METTL15: variants seen among roughly 807,000 people sequenced by gnomAD.
The protein encoded by METTL15 is 12S rRNA N(4)-cytidine methyltransferase METTL15.
In METTL15, 34 loss-of-function variants were observed where a neutral mutation model predicts 38.3. The observed-to-expected ratio is 0.89, with a 90% CI of 0.68 to 1.18. The LOEUF (loss-of-function observed/expected upper bound fraction) is 1.18. METTL15 is among the 50% of genes most tolerant of loss of function. The probability of loss-of-function intolerance (pLI) is 0.00; values close to 1 mark genes in which losing one functional copy is unlikely to be tolerated. For missense variants in METTL15, 438 were observed against 498.4 expected, an observed-to-expected ratio of 0.88 and a Z score of 1.15; for synonymous variants, 162 against 170.9, an observed-to-expected ratio of 0.95 and a Z score of 0.41.
intron 3 of METTL15, chr11:28,122,273 T>C (rs991385920): frequency 6.6e-6 from 6 of 912,134 alleles, no homozygotes; most frequent in African/African-American, 1.8e-5. Context: ...TGTGAAAAAC[T>C]GATGCAGAAA....
chr11:28,268,061 G>C (rs1220051101), intron 4 of METTL15, among the ~76,000 whole-genome samples: 1 of 150,662 alleles, frequency 6.6e-6, no homozygotes, highest in Non-Finnish European at 1.5e-5. Flanking sequence ...GCCGGGCATA[G>C]TGGCGGGCGC....
chr11:28,303,205 T>C (rs1445165628), intron 6 of METTL15, among the ~76,000 whole-genome samples: 9 of 152,284 alleles, frequency 5.9e-5, no homozygotes, highest in East Asian at 3.9e-4. Flanking sequence ...AATGAAAACA[T>C]CTTTGTTCAA....
intron 5 of METTL15, among the ~76,000 whole-genome samples, chr11:28,381,183 C>T (rs745875507): frequency 2.6e-4 from 40 of 151,962 alleles, no homozygotes; most frequent in South Asian, 8.3e-4. Flanking sequence ...TATTTTTGTA[C>T]GGATGGGGTC....
chr11:28,321,623 A>G (rs1441342663), intron 6 of METTL15, among the ~76,000 whole-genome samples: 1 of 152,170 alleles, frequency 6.6e-6, no homozygotes, highest in Non-Finnish European at 1.5e-5. Context: ...CACATTTACT[A>G]TAATTCCAAT....
intron 3 of METTL15, among the ~76,000 whole-genome samples, chr11:28,132,273 T>C (rs1358186165): frequency 6.6e-6 from 1 of 152,150 alleles, no homozygotes; most frequent in Non-Finnish European, 1.5e-5. Flanking sequence ...AATAGTATAA[T>C]GGTCTCTTGA....
intron 5 of METTL15, among the ~76,000 whole-genome samples, chr11:28,417,583 C>A (rs1467191966): frequency 6.6e-6 from 1 of 152,082 alleles, no homozygotes; most frequent in Non-Finnish European, 1.5e-5. Context: ...ATATGATTGG[C>A]AGTAGGCAGT....
chr11:28,525,587 C>T (rs902038523), intron 6 of METTL15, among the ~76,000 whole-genome samples: 1 of 152,134 alleles, frequency 6.6e-6, no homozygotes, highest in African/African-American at 2.4e-5. Flanking sequence ...TGGTGCATTA[C>T]AAACCTTGAG....
intron 3 of METTL15, among the ~76,000 whole-genome samples, chr11:28,349,329 A>AT (rs1453478266): frequency 1.3e-5 from 2 of 152,192 alleles, no homozygotes; most frequent in Admixed American, 6.5e-5. Flanking sequence ...CTGTGTTCAG[A>AT]TTAGCCTCCT....
At chr11:28,127,105 T>C (rs187670197) in intron 3 of METTL15, among the ~76,000 whole-genome samples, 355 of 152,146 alleles carry the variant, frequency 2.3e-3, no homozygotes, top group Non-Finnish European at 4.1e-3. Context: ...AAGATGAGGC[T>C]GGAGAGGCAG....
intron 4 of METTL15, among the ~76,000 whole-genome samples, chr11:28,280,612 C>T (rs911557046): frequency 6.8e-6 from 1 of 147,336 alleles, no homozygotes; most frequent in African/African-American, 2.5e-5. Flanking sequence ...TTTCTTTCCT[C>T]TTTTTTGGAA....
At chr11:28,235,287 G>A (rs1853900193) in intron 4 of METTL15, among the ~76,000 whole-genome samples, 1 of 151,982 alleles carries the variant, frequency 6.6e-6, no homozygotes. Context: ...TTGGCGATGC[G>A]GGCTCTTTTT....
intron 3 of METTL15, among the ~76,000 whole-genome samples, chr11:28,179,676 G>A (rs1484862118): frequency 6.6e-6 from 1 of 151,560 alleles, no homozygotes; most frequent in Non-Finnish European, 1.5e-5. Flanking sequence ...CCTGTTGATG[G>A]GCTTGTGGAT....
At chr11:28,229,017 T>C (rs1853587954) in intron 4 of METTL15, among the ~76,000 whole-genome samples, 1 of 151,874 alleles carries the variant, frequency 6.6e-6, no homozygotes, top group African/African-American at 2.4e-5. Flanking sequence ...GATTTTTAGG[T>C]CAATGACTTA....
At chr11:28,175,216 C>G (rs895483378) in intron 3 of METTL15, among the ~76,000 whole-genome samples, 2 of 151,604 alleles carry the variant, frequency 1.3e-5, no homozygotes, top group African/African-American at 4.9e-5. Flanking sequence ...TTTGTCCTTG[C>G]GATAGTTTGC....
chr11:28,174,029 A>G (rs1331736344), intron 3 of METTL15, among the ~76,000 whole-genome samples: 1 of 152,160 alleles, frequency 6.6e-6, no homozygotes, highest in African/African-American at 2.4e-5. Context: ...TCTCCATTGT[A>G]AAGTTACTCA....
At chr11:28,378,526 C>T (rs1029293046) in intron 5 of METTL15, among the ~76,000 whole-genome samples, 1 of 152,184 alleles carries the variant, frequency 6.6e-6, no homozygotes, top group Non-Finnish European at 1.5e-5. Context: ...GTGCACGGTG[C>T]GTGCACCCAC....
At chr11:28,367,202 GA>G (rs35410826) in intron 5 of METTL15, among the ~76,000 whole-genome samples, 85 of 140,146 alleles carry the variant, frequency 6.1e-4, no homozygotes, top group African/African-American at 5.9e-4. Flanking sequence ...GAGCCACTGA[GA>G]AAAAAAAAAA....
chr11:28,287,283 T>C (rs1856317150), intron 4 of METTL15: 1 of 206,992 alleles, frequency 4.8e-6, no homozygotes. Flanking sequence ...TCTTCTTGCA[T>C]CTTCGTGGTC....
chr11:28,205,633 T>G (rs113035928), intron 3 of METTL15, among the ~76,000 whole-genome samples: 44 of 151,914 alleles, frequency 2.9e-4, no homozygotes, highest in African/African-American at 6.3e-4. Context: ...GTAATGGGAT[T>G]GCTGGGTCAA....
Sources: gnomAD v4.1 joint callset for allele counts (sites outside exome capture counted in the v4.1 genomes callset) on GRCh38, gnomAD v4.1.1 for gene constraint, MANE v1.5 for transcripts, NCBI Gene and HGNC (gene_info 2026-07-23, HGNC 2026-07-21) for gene names.